The following CLPTM1L variants were observed in gnomAD, a reference collection of about 807,000 sequenced individuals.
CLPTM1L encodes CLPTM1 like.
A neutral mutation model predicts 70.9 loss-of-function variants in CLPTM1L; 38 were observed. That is an observed-to-expected ratio of 0.54 (90% CI 0.41 to 0.70). The LOEUF is 0.70. CLPTM1L is among the 30% of genes least tolerant of loss of function. The probability of loss-of-function intolerance (pLI) is 0.00; values close to 1 mark genes in which losing one functional copy is unlikely to be tolerated. For missense variants in CLPTM1L, 652 were observed against 705.9 expected, an observed-to-expected ratio of 0.92 and a Z score of 0.87; for synonymous variants, 339 against 299.9, an observed-to-expected ratio of 1.13 and a Z score of -1.35.
chr5:1,327,140 ATTTCATCCAGCTCCTCCTCTACAGGCAC>A (rs1400768563), intron 9 of CLPTM1L, among the ~76,000 whole-genome samples: 2 of 149,652 alleles, frequency 1.3e-5, no homozygotes, highest in African/African-American at 5.0e-5. Context: ...CTACAGACAC[ATTTCATCCAGCTCCTCCTCTACAGGCAC>A]ATTCCATCCA....
chr5:1,320,645 C>T lies in CLPTM1L; in HGVS notation c.1503G>A (p.Val501=). Residue 501 remains valine, a synonymous_variant, in exon 16 of 17, where the codon GTG becomes GTA. Transcript: ENST00000320895. The part of the protein sequence containing the change: ...SHRLACFRDD[V]VFLVYLYQRW... ...GCTGGTACAGGTAGACCAGAAACAC[C>T]ACGTCGTCCCGGAAGCAGGCCAGCC... 1 of 1,545,672 alleles carries T rather than the reference C, an allele frequency of 6.5e-7. No individual in the cohort carries two copies. Among genetic ancestry groups the T allele is most frequent in the Non-Finnish European group, 8.7e-7 (1 of 1,144,134 alleles).
At chr5:1,339,330 C>T (rs916759960) in intron 3 of CLPTM1L, among the ~76,000 whole-genome samples, 2 of 143,778 alleles carry the variant, frequency 1.4e-5, no homozygotes, top group Admixed American at 6.9e-5. Flanking sequence ...GCAGGGTCAG[C>T]GCCCTAACCT....
At chr5:1,330,203 C>T in intron 9 of CLPTM1L, 77 bp downstream of exon 9, 1 of 1,204,224 alleles carries the variant, frequency 8.3e-7, no homozygotes, top group Non-Finnish European at 1.2e-6. Flanking sequence ...GGTCTCAGGT[C>T]CCGGGGCTGA....
chr5:1,332,121 C>A, intron 7 of CLPTM1L: 1 of 534,192 alleles, frequency 1.9e-6, no homozygotes, highest in South Asian at 2.4e-5. Flanking sequence ...GTACCTTTGA[C>A]TTGAACTGCT....
intron 5 of CLPTM1L, among the ~76,000 whole-genome samples, chr5:1,337,592 C>T (rs150459973): frequency 6.6e-6 from 1 of 152,336 alleles, no homozygotes; most frequent in East Asian, 1.9e-4. Context: ...CTGTTTCACA[C>T]GGTGCTCATG....
At position 1,341,811 on chromosome 5, in the gene CLPTM1L, A is replaced by G; in HGVS notation, c.313T>C (p.Tyr105His). Residue 105 changes from tyrosine to histidine, a missense_variant, in exon 3 of 17, where the codon TAT becomes CAT. By Grantham distance (83) the Tyr-to-His change is moderately conservative. Transcript: ENST00000320895. ...GCGTGATGGAGGAAGATGTAGGCAT[A>G]CAGCGTCCCATTGTTTCTCGTTTTC... ...PKKTRNNGTL[Y>H]AYIFLHHAGV... 6.2e-7 allele frequency: 1 copy of G among 1,614,144 alleles called. No individual in the cohort carries two copies. Among genetic ancestry groups the G allele is most frequent in the Non-Finnish European group, 8.5e-7 (1 of 1,179,992 alleles).
At chr5:1,334,866 T>C (rs1284288099) in intron 6 of CLPTM1L, among the ~76,000 whole-genome samples, 191 bp downstream of exon 6, 1 of 152,246 alleles carries the variant, frequency 6.6e-6, no homozygotes, top group East Asian at 1.9e-4. Context: ...ATAAAGCCAA[T>C]TTCCAGACAA....
At chr5:1,344,652 C>G in intron 1 of CLPTM1L, 28 bp downstream of exon 1, 2 of 1,543,750 alleles carry the variant, frequency 1.3e-6, no homozygotes, top group Non-Finnish European at 1.7e-6. Flanking sequence ...CCCCAACCCG[C>G]CCGGCCCCCG....
chr5:1,321,895 G>T lies in CLPTM1L; in HGVS notation c.1316-76C>A. 3 of 1,398,138 alleles carry T rather than the reference G, an allele frequency of 2.1e-6. No individual in the cohort carries two copies. In the South Asian group the frequency reaches 3.6e-5, roughly 17 times the overall value. The allele number at this position is 1,398,138 out of a possible 1,614,324, so 86.6% of individuals were successfully genotyped here. ...ATCTACGCACAGACGGCACTCACGA[G>T]GTGTGGAGGGCCGAGCTGCCACGTC... On this transcript the variant is annotated intron_variant, in intron 13 of 16. Transcript: ENST00000320895.
rs1007017497 is a variant in CLPTM1L, at chr5:1,330,159, G to A, written c.1080+121C>T. On this transcript the variant is annotated intron_variant, in intron 9 of 16. Transcript: ENST00000320895. ...ATCCTACAGCTTCCAGAACACTGAG[G>A]CCATCGGGAACAAGCACACAGGCTT... The A allele has an allele frequency of 5.1e-6, 4 of 788,186 alleles. No individual in the cohort carries two copies. The South Asian group carries it at 6.3e-5, about 13-fold the overall frequency. The allele number at this position is 788,186 out of a possible 1,614,324, so 48.8% of individuals were successfully genotyped here. A position where few individuals can be genotyped will look rare whatever the true frequency, so the allele number is the denominator to read the frequency against.
chr5:1,329,165 C>T (rs1056232941), intron 9 of CLPTM1L, among the ~76,000 whole-genome samples: 2 of 152,268 alleles, frequency 1.3e-5, no homozygotes, highest in African/African-American at 2.4e-5. Context: ...GCCATCGCCC[C>T]CCTCAAGGGT....
At chr5:1,341,157 A>T (rs762891457) in intron 3 of CLPTM1L, among the ~76,000 whole-genome samples, 4 of 152,260 alleles carry the variant, frequency 2.6e-5, no homozygotes, top group Non-Finnish European at 5.9e-5. Context: ...ATGATCACTT[A>T]AGTGACTTCC....
Position 1,344,846 on chromosome 5 carries a change from GCCCCGCGCCCGGCGC to G in CLPTM1L, c.-20_-6del. The G allele has an allele frequency of 6.8e-7, 1 of 1,471,618 alleles. No individual in the cohort carries two copies. The highest frequency in any genetic ancestry group is 9.0e-7 in the Non-Finnish European group (1 of 1,110,808). 91.2% of individuals were successfully genotyped at this position (1,471,618 alleles called of 1,614,324 possible). A position where few individuals can be genotyped will look rare whatever the true frequency, so the allele number is the denominator to read the frequency against. On this transcript the variant is annotated 5_prime_UTR_variant, in exon 1 of 17. Transcript: ENST00000320895. ...GGAGCTGCGGCCGCTCCACATGGCGGCCCCGCGCCCGGCGCCCCCGGCCCGCCCGCCTCTCAGCCG... is the reference window on the plus strand; with the variant it reads ...GGAGCTGCGGCCGCTCCACATGGCGGCCCCGGCCCGCCCGCCTCTCAGCCG...
At chr5:1,341,942 C>T in intron 2 of CLPTM1L, 82 bp from the exon 3 acceptor site, 1 of 1,113,560 alleles carries the variant, frequency 9.0e-7, no homozygotes, top group East Asian at 2.6e-5. Context: ...TATAAAGCTG[C>T]TTCAATAAAC....
rs1278048150 is a variant in CLPTM1L, at chr5:1,344,693, C to A, written c.149G>T (p.Arg50Leu). Residue 50 changes from arginine (R) to leucine (L), a missense_variant, in exon 1 of 17, where the codon CGG becomes CTG. Coordinates refer to ENST00000320895, the MANE Select transcript of CLPTM1L (RefSeq NM_030782.5). Reference sequence around the variant, plus strand: ...GCGGACGCTCACCTGCAGCTTGGGCCGCCGCGCCAGGTAGGGCTGGATGCA... The same window carrying A: ...GCGGACGCTCACCTGCAGCTTGGGCAGCCGCGCCAGGTAGGGCTGGATGCA... The part of the protein sequence containing the change: ...ANCIQPYLAR[R>L]PKLQLSVYTT... The A allele has an allele frequency of 1.9e-6, 3 of 1,565,020 alleles. No homozygotes were observed. The highest frequency in any genetic ancestry group is 1.7e-6 in the Non-Finnish European group (2 of 1,156,512).
chr5:1,322,789 C>T, intron 13 of CLPTM1L, 88 bp downstream of exon 13: 1 of 1,369,816 alleles, frequency 7.3e-7, no homozygotes, highest in South Asian at 1.2e-5. Flanking sequence ...CACAGGGGGG[C>T]TTGCCACACT....
chr5:1,335,207 C>T lies in CLPTM1L; in HGVS notation c.679-33G>A, dbSNP rs1753494951. On this transcript the variant is annotated intron_variant, in intron 5 of 16. Transcript: ENST00000320895. ...AGAAAGCCACACTGAGGGCCCTGCC[C>T]TCATACCCTTGCACCCAGCTGCCTG... The T allele has an allele frequency of 3.8e-6, 6 of 1,565,178 alleles. No individual in the cohort carries two copies. The Admixed American group carries it at 5.0e-5, about 13-fold the overall frequency.
At chr5:1,321,546 G>A (rs1752153466) in intron 15 of CLPTM1L, 89 bp downstream of exon 15, 2 of 1,152,784 alleles carry the variant, frequency 1.7e-6, no homozygotes, top group Non-Finnish European at 2.6e-6. Context: ...TCTGGGCAGA[G>A]ATGGCCCCAG....
chr5:1,343,874 A>G (rs1754102531), intron 2 of CLPTM1L, among the ~76,000 whole-genome samples: 1 of 152,256 alleles, frequency 6.6e-6, no homozygotes, highest in African/African-American at 2.4e-5. Context: ...AATTTTTAAG[A>G]TACTCTACAT....
Sources: gnomAD v4.1 joint callset for allele counts (sites outside exome capture counted in the v4.1 genomes callset) on GRCh38, gnomAD v4.1.1 for gene constraint, MANE v1.5 for transcripts, NCBI Gene and HGNC (gene_info 2026-07-23, HGNC 2026-07-21) for gene names.